TIMP2: variants seen among roughly 807,000 people sequenced by gnomAD.
TIMP2 encodes the protein TIMP metallopeptidase inhibitor 2.
TIMP2 carries 5 observed loss-of-function variants against 24.3 expected under a neutral mutation model. The observed-to-expected ratio is 0.21, with a 90% CI of 0.11 to 0.43. The LOEUF is 0.43. Among genes scored for constraint, TIMP2 ranks in the 20% least tolerant of loss-of-function variants. The pLI is 1.00. For synonymous variants in TIMP2, 130 were observed against 123.2 expected, an observed-to-expected ratio of 1.06 and a Z score of -0.37; for missense variants, 221 against 297.5, an observed-to-expected ratio of 0.74 and a Z score of 1.89.
chr17:78,879,928 G>T (rs775792707), intron 1 of TIMP2, among the ~76,000 whole-genome samples: 11 of 151,312 alleles, frequency 7.3e-5, no homozygotes, highest in Non-Finnish European at 1.5e-4. Context: ...GAAAAGAACC[G>T]GGTGGGCGGA....
chr17:78,891,382 CCCAG>C lies in TIMP2; in HGVS notation c.131-17467_131-17464del. ...GCATCTCTGAGAAGGCATGCCCTTC[CCCAG>C]GTCTCTGGTCCATCCTGGGCTTCAG... is the stretch of plus-strand genomic sequence containing the variant. On this transcript the variant is annotated intron_variant, in intron 1 of 4. Coordinates refer to ENST00000262768, the MANE Select transcript of TIMP2 (RefSeq NM_003255.5). The surrounding 1 kb of genome is among the most constrained non-coding windows in gnomAD (Gnocchi z 4.5). The C allele has an allele frequency of 6.4e-7, 1 of 1,550,680 alleles. No individual in the cohort carries two copies. Among genetic ancestry groups the C allele is most frequent in the Non-Finnish European group, 8.7e-7 (1 of 1,147,038 alleles).
intron 2 of TIMP2, among the ~76,000 whole-genome samples, chr17:78,871,743 G>C (rs111251838): frequency 0.11 from 16,975 of 151,538 alleles, 1,156 homozygotes; most frequent in African/African-American, 0.18. Context: ...CTACTCGGGA[G>C]GCTGAGGCAG....
intron 1 of TIMP2, among the ~76,000 whole-genome samples, chr17:78,913,898 A>G (rs1031138256): frequency 0.015 from 2,297 of 150,592 alleles, 74 homozygotes; most frequent in African/African-American, 0.053. Context: ...TCTCGGGGAA[A>G]AAAAAAAAAA....
chr17:78,870,277 G>A (rs568705919), intron 3 of TIMP2, among the ~76,000 whole-genome samples: 8 of 152,092 alleles, frequency 5.3e-5, no homozygotes, highest in Admixed American at 6.5e-5. Context: ...TTAGCTGGGC[G>A]TGGTGGCGTG....
chr17:78,892,593 C>A lies in TIMP2; in HGVS notation c.131-18674G>T, dbSNP rs28408556. 7.5e-4 allele frequency: 1,044 copies of A among 1,384,956 alleles called. 8 individuals carry two copies. The African/African-American group carries it at 0.013, about 17-fold the overall frequency. 85.8% of individuals were successfully genotyped at this position (1,384,956 alleles called of 1,614,324 possible). A position where few individuals can be genotyped will look rare whatever the true frequency, so the allele number is the denominator to read the frequency against. On this transcript the variant is annotated intron_variant, in intron 1 of 4. Transcript: ENST00000262768. ...TGTGCCCCTCCAAGCTCTCTTGACC[C>A]GTGCCCACCAGGGCCCACTCTCAGC...
At chr17:78,898,124 C>T (rs770078626) in intron 1 of TIMP2, 9 of 152,264 alleles carry the variant, frequency 5.9e-5, no homozygotes, top group Non-Finnish European at 1.2e-4. Context: ...GGTTTGAATC[C>T]AGACATCACA....
intron 4 of TIMP2, 141 bp from the exon 5 acceptor site, chr17:78,856,005 T>G: frequency 1.2e-6 from 1 of 853,994 alleles, no homozygotes; most frequent in Non-Finnish European, 1.9e-6. Context: ...AGACCCACGG[T>G]TCCTGCAGGG....
chr17:78,886,476 C>T (rs746729110), intron 1 of TIMP2, among the ~76,000 whole-genome samples: 15 of 152,288 alleles, frequency 9.8e-5, no homozygotes, highest in East Asian at 5.8e-4. Context: ...CACTGACAGG[C>T]GGCTACGCTC....
At position 78,924,816 on chromosome 17, in the gene TIMP2, G is replaced by T; in HGVS notation, c.130+143C>A. The T allele has an allele frequency of 2.7e-6, 1 of 370,954 alleles. No homozygotes were observed. Among genetic ancestry groups the T allele is most frequent in the Non-Finnish European group, 4.4e-6 (1 of 229,226 alleles). 23.0% of individuals were successfully genotyped at this position (370,954 alleles called of 1,614,324 possible). The stretch of plus-strand genomic sequence containing the variant: ...GAAAGTCGGCTCTGGGCGTCCACTT[G>T]CAGGATTCGAGAAGGCGCCGAGGGA... On this transcript the variant is annotated intron_variant, in intron 1 of 4. Coordinates refer to ENST00000262768, the MANE Select transcript of TIMP2 (RefSeq NM_003255.5). The surrounding 1 kb of genome is among the most constrained non-coding windows in gnomAD (Gnocchi z 5.3).
intron 1 of TIMP2, among the ~76,000 whole-genome samples, chr17:78,910,267 G>A (rs1395683085): frequency 2.0e-5 from 3 of 150,432 alleles, no homozygotes; most frequent in African/African-American, 4.9e-5. Flanking sequence ...ATCTCGGCTC[G>A]CTGCAACCTC....
chr17:78,888,704 G>A (rs2069849188), intron 1 of TIMP2, among the ~76,000 whole-genome samples: 1 of 152,148 alleles, frequency 6.6e-6, no homozygotes, highest in Non-Finnish European at 1.5e-5. Flanking sequence ...TCCTGCGCTG[G>A]CTTCCCAAAA....
chr17:78,882,625 G>C (rs985285629), intron 1 of TIMP2, among the ~76,000 whole-genome samples: 5 of 152,214 alleles, frequency 3.3e-5, no homozygotes, highest in African/African-American at 9.7e-5. Flanking sequence ...GGATGGGGCC[G>C]ACCTCGCCAG....
chr17:78,923,100 T>G (rs1326353776), intron 1 of TIMP2, among the ~76,000 whole-genome samples: 1 of 152,186 alleles, frequency 6.6e-6, no homozygotes, highest in Non-Finnish European at 1.5e-5. Flanking sequence ...AGTGCAACTC[T>G]GGCATCTGAC....
rs2069513445 is a variant in TIMP2 at position 78,854,946 on chromosome 17, G to GGGGGGT, written c.*720_*721insACCCCC. The GGGGGGT allele has an allele frequency of 1.8e-5, 1 of 56,378 alleles. No individual in the cohort carries two copies. The highest frequency in any genetic ancestry group is 3.7e-5 in the Non-Finnish European group (1 of 27,076). 3.5% of individuals were successfully genotyped at this position (56,378 alleles called of 1,614,324 possible). On this transcript the variant is annotated 3_prime_UTR_variant, in exon 5 of 5. Transcript: ENST00000262768. ...CGGGGGGGGGGGGGTGGGGGGGTGGGTGCAGACCAAAAAGACTCAGCTGAG... is the reference window on the plus strand; with the variant it reads ...CGGGGGGGGGGGGGTGGGGGGGTGGGGGGGGTTGCAGACCAAAAAGACTCAGCTGAG...
At chr17:78,890,600 T>C in intron 1 of TIMP2, 1 of 1,530,838 alleles carries the variant, frequency 6.5e-7, no homozygotes, top group Non-Finnish European at 8.8e-7. Flanking sequence ...GCAGCACCAT[T>C]ATCAGTGATG....
At chr17:78,881,521 T>A (rs867332324) in intron 1 of TIMP2, among the ~76,000 whole-genome samples, 1 of 152,238 alleles carries the variant, frequency 6.6e-6, no homozygotes, top group African/African-American at 2.4e-5. Flanking sequence ...GGGCCAGCCC[T>A]GGAGGACTCC....
intron 1 of TIMP2, chr17:78,904,664 G>A (rs1434712463): frequency 6.6e-6 from 1 of 151,808 alleles, no homozygotes; most frequent in East Asian, 1.9e-4. Flanking sequence ...GACGGGCTAA[G>A]GGATGCTCAG....
chr17:78,891,787 G>A lies in TIMP2; in HGVS notation c.131-17868C>T. ...CCCCTTTGCTCCTCCGAGGATGGAT[G>A]GCACAGCGGCCACCCCCAGACTTGG... is the stretch of plus-strand genomic sequence containing the variant. On this transcript the variant is annotated intron_variant, in intron 1 of 4. Transcript: ENST00000262768. The surrounding 1 kb of genome is among the most constrained non-coding windows in gnomAD (Gnocchi z 4.5). 2 of 1,551,140 alleles carry A rather than the reference G, an allele frequency of 1.3e-6. No individual in the cohort carries two copies. Among genetic ancestry groups the A allele is most frequent in the Non-Finnish European group, 1.7e-6 (2 of 1,147,114 alleles).
chr17:78,890,662 C>T lies in TIMP2; in HGVS notation c.131-16743G>A, dbSNP rs956745462. On this transcript the variant is annotated intron_variant, in intron 1 of 4. Coordinates refer to ENST00000262768, the MANE Select transcript of TIMP2 (RefSeq NM_003255.5). Reference sequence around the variant, plus strand: ...TTTAGCATATGTTCTGAAACTCCCGCAAGCATTTCCGGGCTTCTTCAAGAA... The same window carrying T: ...TTTAGCATATGTTCTGAAACTCCCGTAAGCATTTCCGGGCTTCTTCAAGAA... The T allele has an allele frequency of 1.9e-6, 3 of 1,550,302 alleles. No homozygotes were observed. In the African/African-American group the frequency reaches 4.1e-5, roughly 21 times the overall value.
Sources: allele counts gnomAD v4.1 joint callset (sites outside exome capture counted in the v4.1 genomes callset), GRCh38; gene constraint gnomAD v4.1.1; non-coding constraint Gnocchi (gnomAD v3.1); transcripts MANE v1.5; gene names NCBI Gene and HGNC (gene_info 2026-07-23, HGNC 2026-07-21).